DPY19L3: variants seen among roughly 807,000 people sequenced by gnomAD.
The protein encoded by DPY19L3 is dpy-19 like C-mannosyltransferase 3, also known as protein C-mannosyl-transferase DPY19L3.
DPY19L3 carries 51 observed loss-of-function variants against 92.3 expected under a neutral mutation model. That is an observed-to-expected ratio of 0.55 (90% CI 0.44 to 0.70). DPY19L3 has a LOEUF of 0.70. DPY19L3 is among the 30% of genes least tolerant of loss of function. The pLI, the probability that DPY19L3 is intolerant of heterozygous loss-of-function variation, is 0.00. For missense variants in DPY19L3, 706 were observed against 855.9 expected (o/e 0.82, Z 2.18); for synonymous variants, 309 against 315.2 (o/e 0.98, Z 0.21).
rs1248983078 is a variant in DPY19L3 at position 32,432,747 on chromosome 19, A to T, written c.269A>T (p.Glu90Val). 6.2e-7 allele frequency: 1 copy of T among 1,613,972 alleles called. No individual in the cohort carries two copies. Among genetic ancestry groups the T allele is most frequent in the Non-Finnish European group, 8.5e-7 (1 of 1,179,964 alleles). ...GAGCGAGAAATCTCATTCAGAACAGAGTGTGGCCTGTATTACTCCTACTAC... is the reference window on the plus strand; with the variant it reads ...GAGCGAGAAATCTCATTCAGAACAGTGTGTGGCCTGTATTACTCCTACTAC... ...EVEREISFRT[E>V]CGLYYSYYKQ... Residue 90 changes from glutamate to valine, a missense_variant, in exon 4 of 19, where the codon GAG becomes GTG. Physicochemically the swap from Glu to Val is moderately radical, Grantham distance 121 (BLOSUM62 -2). Coordinates refer to ENST00000392250, the MANE Select transcript of DPY19L3 (RefSeq NM_001172774.2).
intron 12 of DPY19L3, among the ~76,000 whole-genome samples, 173 bp downstream of exon 12, chr19:32,458,682 A>C (rs2145580022): frequency 6.6e-6 from 1 of 152,338 alleles, no homozygotes; most frequent in East Asian, 1.9e-4. Context: ...GAGACAACAG[A>C]GTAATGATCA....
At chr19:32,470,996 T>C (rs1428401082) in intron 16 of DPY19L3, among the ~76,000 whole-genome samples, 7 of 152,272 alleles carry the variant, frequency 4.6e-5, no homozygotes, top group Non-Finnish European at 8.8e-5. Context: ...AGACATCAAA[T>C]ATGTTTGTTT....
chr19:32,436,666 GT>G, intron 5 of DPY19L3, 99 bp downstream of exon 5: 1 of 1,106,124 alleles, frequency 9.0e-7, no homozygotes, highest in Non-Finnish European at 1.2e-6. Context: ...TCTTCAACTG[GT>G]TTAGTAGAAA....
Position 32,464,907 on chromosome 19 carries a change from A to G in DPY19L3, c.1614+123A>G, listed in dbSNP as rs1970156533. On this transcript the variant is annotated intron_variant, in intron 15 of 18. Transcript: ENST00000392250. ...TTGTGAAGGTTATAAATACCTCCTT[A>G]GCTTCTTACTGAAGGTGACATTGAT... The G allele has an allele frequency of 8.8e-6, 4 of 453,848 alleles. No homozygotes were observed. In the East Asian group the frequency reaches 1.5e-4, roughly 16 times the overall value. The allele number at this position is 453,848 out of a possible 1,614,324, so 28.1% of individuals were successfully genotyped here.
intron 3 of DPY19L3, among the ~76,000 whole-genome samples, chr19:32,422,823 G>A (rs999898778): frequency 1.3e-5 from 2 of 152,052 alleles, no homozygotes; most frequent in Non-Finnish European, 2.9e-5. Flanking sequence ...AGAAACCTTT[G>A]GACATTCTAG....
chr19:32,427,770 G>A (rs1262407731), intron 3 of DPY19L3, among the ~76,000 whole-genome samples: 1 of 152,084 alleles, frequency 6.6e-6, no homozygotes, highest in Non-Finnish European at 1.5e-5. Flanking sequence ...AACCATGTAT[G>A]TGCCATAAAT....
At chr19:32,442,815 G>A (rs1969365908) in intron 8 of DPY19L3, among the ~76,000 whole-genome samples, 1 of 152,212 alleles carries the variant, frequency 6.6e-6, no homozygotes, top group African/African-American at 2.4e-5. Context: ...ACCTCCATCA[G>A]TAAAGTTCAG....
chr19:32,408,482 T>C (rs751671460), intron 2 of DPY19L3, 126 bp downstream of exon 2: 1 of 639,780 alleles, frequency 1.6e-6, no homozygotes, highest in Non-Finnish European at 2.8e-6. Flanking sequence ...TACCCTGATA[T>C]TCTAATTGCA....
At chr19:32,410,102 A>C (rs1968126103) in intron 2 of DPY19L3, among the ~76,000 whole-genome samples, 1 of 152,250 alleles carries the variant, frequency 6.6e-6, no homozygotes, top group South Asian at 2.1e-4. Flanking sequence ...AAACAGTATT[A>C]GCATTTTGAA....
chr19:32,434,056 G>T (rs1371948203), intron 4 of DPY19L3, among the ~76,000 whole-genome samples: 2 of 152,102 alleles, frequency 1.3e-5, no homozygotes, highest in East Asian at 3.9e-4. Flanking sequence ...AGAAAAGCAG[G>T]CTTAGTATTC....
chr19:32,468,070 A>C (rs778230128), intron 15 of DPY19L3: 2 of 985,064 alleles, frequency 2.0e-6, no homozygotes, highest in Non-Finnish European at 2.4e-6. Context: ...AAATACAATC[A>C]TGCTATTTTG....
chr19:32,436,478 G>A lies in DPY19L3; in HGVS notation c.361G>A (p.Glu121Lys). ...FHGLIYDNKT[E>K]SMKTINLLQR... ...TGGCCTAATATATGATAATAAAACT[G>A]AATCTATGAAGACAATTAACCTCCT... Residue 121 changes from glutamate (E) to lysine (K), a missense_variant, in exon 5 of 19, where the codon GAA (glutamate) becomes AAA (lysine). By Grantham distance (56) the Glu-to-Lys change is moderately conservative. Transcript: ENST00000392250. 1 of 1,558,466 alleles carries A rather than the reference G, an allele frequency of 6.4e-7. No homozygotes were observed. The highest frequency in any genetic ancestry group is 8.8e-7 in the Non-Finnish European group (1 of 1,139,848).
chr19:32,432,772 C>T lies in DPY19L3; in HGVS notation c.294C>T (p.Tyr98=), dbSNP rs777377630. The part of the protein sequence containing the change: ...RTECGLYYSY[Y]KQMLQAPTLV... Reference sequence around the variant, plus strand: ...AGTGTGGCCTGTATTACTCCTACTACAAGCAGATGCTGCAGGCTCCAACCC... The same window carrying T: ...AGTGTGGCCTGTATTACTCCTACTATAAGCAGATGCTGCAGGCTCCAACCC... The change falls in exon 4 of 19, where the codon TAC becomes TAT. Residue 98 remains tyrosine, a synonymous_variant. Coordinates refer to ENST00000392250, the MANE Select transcript of DPY19L3 (RefSeq NM_001172774.2). The T allele has an allele frequency of 6.2e-7, 1 of 1,613,910 alleles. No individual in the cohort carries two copies. The highest frequency in any genetic ancestry group is 8.5e-7 in the Non-Finnish European group (1 of 1,179,924).
At chr19:32,444,575 T>C (rs1372377156) in intron 8 of DPY19L3, among the ~76,000 whole-genome samples, 1 of 152,174 alleles carries the variant, frequency 6.6e-6, no homozygotes, top group Non-Finnish European at 1.5e-5. Context: ...GAAAAAATAG[T>C]TGAAATTTCC....
intron 9 of DPY19L3, among the ~76,000 whole-genome samples, chr19:32,454,070 A>C (rs948239353): frequency 6.6e-6 from 1 of 151,324 alleles, no homozygotes; most frequent in Non-Finnish European, 1.5e-5. Context: ...TATCAAAAAC[A>C]ACAGTTCACA....
intron 3 of DPY19L3, among the ~76,000 whole-genome samples, chr19:32,427,486 T>A (rs1309727065): frequency 6.6e-6 from 1 of 152,226 alleles, no homozygotes; most frequent in Non-Finnish European, 1.5e-5. Context: ...TCTTATTTAC[T>A]TGATATTGCC....
intron 3 of DPY19L3, chr19:32,412,103 T>G (rs933602817): frequency 3.9e-5 from 6 of 152,240 alleles, no homozygotes; most frequent in Admixed American, 3.3e-4. Context: ...CTCGAACTCC[T>G]GGGCTCAAGC....
intron 11 of DPY19L3, 48 bp from the exon 12 acceptor site, chr19:32,458,303 C>G: frequency 6.3e-7 from 1 of 1,592,376 alleles, no homozygotes; most frequent in East Asian, 2.2e-5. Context: ...AATGTCATTT[C>G]TTTGTCTTAT....
intron 16 of DPY19L3, among the ~76,000 whole-genome samples, chr19:32,476,732 G>GC (rs35423951): frequency 6.6e-6 from 1 of 152,100 alleles, no homozygotes; most frequent in African/African-American, 2.4e-5. Flanking sequence ...GTATTAGGGT[G>GC]CCCCGTGTTC....
Sources: allele counts gnomAD v4.1 joint callset (sites outside exome capture counted in the v4.1 genomes callset), GRCh38; gene constraint gnomAD v4.1.1; transcripts MANE v1.5; gene names NCBI Gene and HGNC (gene_info 2026-07-23, HGNC 2026-07-21).